Variants in SLC47A1 observed in about 807,000 individuals in gnomAD.
SLC47A1 encodes solute carrier family 47 member 1.
SLC47A1 carries 58 observed loss-of-function variants against 65.8 expected under a neutral mutation model. That is an observed-to-expected ratio of 0.88 (90% CI 0.71 to 1.10). The LOEUF is 1.10. Ranked by LOEUF, SLC47A1 falls within the 50% of genes least tolerant of loss-of-function variation. The probability of loss-of-function intolerance (pLI) is 0.00; values close to 1 mark genes in which losing one functional copy is unlikely to be tolerated. For synonymous variants in SLC47A1, 285 were observed against 295.0 expected, an observed-to-expected ratio of 0.97 and a Z score of 0.35; for missense variants, 706 against 719.2, an observed-to-expected ratio of 0.98 and a Z score of 0.21.
chr17:19,567,554 G>A (rs530565588), intron 14 of SLC47A1, among the ~76,000 whole-genome samples: 49 of 152,192 alleles, frequency 3.2e-4, no homozygotes, highest in Non-Finnish European at 6.5e-4. Context: ...AGCAGGGACC[G>A]CTGAAGAAGC....
intron 10 of SLC47A1, chr17:19,557,609 G>A (rs374272280): frequency 6.0e-5 from 31 of 517,792 alleles, no homozygotes; most frequent in Non-Finnish European, 1.1e-4. Flanking sequence ...TGGCCCATGG[G>A]TGACCCTGGG....
At chr17:19,555,118 G>A (rs986915854) in intron 6 of SLC47A1, 94 bp from the exon 7 acceptor site, 2 of 1,151,302 alleles carry the variant, frequency 1.7e-6, no homozygotes, top group Non-Finnish European at 2.6e-6. Context: ...GATACCCGCT[G>A]AGCAGGCCAG....
At chr17:19,557,782 G>A (rs1156710472) in intron 10 of SLC47A1, 1 of 374,498 alleles carries the variant, frequency 2.7e-6, no homozygotes, top group Non-Finnish European at 5.4e-6. Flanking sequence ...GAAAGCACTG[G>A]AGCTCACGCT....
At chr17:19,540,851 C>CACACACACACACACACAT (rs140775336) in intron 1 of SLC47A1, among the ~76,000 whole-genome samples, 4 of 144,436 alleles carry the variant, frequency 2.8e-5, no homozygotes, top group African/African-American at 1.1e-4. Flanking sequence ...CTACAACAGA[C>CACACACACACACACACAT]ACACACACAC....
At chr17:19,570,081 C>T (rs1330002283) in intron 14 of SLC47A1, among the ~76,000 whole-genome samples, 1 of 152,122 alleles carries the variant, frequency 6.6e-6, no homozygotes, top group Non-Finnish European at 1.5e-5. Flanking sequence ...CACTGCTCTC[C>T]AGCCTGGGCA....
chr17:19,549,752 AGT>A (rs1184693102), intron 5 of SLC47A1, 75 bp downstream of exon 5: 3 of 1,481,564 alleles, frequency 2.0e-6, no homozygotes, highest in African/African-American at 1.4e-5. Flanking sequence ...CTGTGAGCTC[AGT>A]GTATTGGCTC....
chr17:19,573,355 C>G (rs778347581), intron 16 of SLC47A1, among the ~76,000 whole-genome samples: 30 of 152,162 alleles, frequency 2.0e-4, no homozygotes, highest in Non-Finnish European at 3.7e-4. Flanking sequence ...GTAACCCTTG[C>G]TCCTTTATAA....
chr17:19,552,595 C>T (rs563693299), intron 6 of SLC47A1, among the ~76,000 whole-genome samples: 64 of 152,260 alleles, frequency 4.2e-4, no homozygotes, highest in African/African-American at 1.5e-3. Flanking sequence ...CTGCTGAGGA[C>T]AATGAGTGTG....
intron 1 of SLC47A1, 80 bp downstream of exon 1, chr17:19,534,154 G>A: frequency 1.4e-6 from 2 of 1,412,404 alleles, no homozygotes; most frequent in Admixed American, 2.6e-5. Context: ...GGTGACTTTG[G>A]CGGGCTTTGG....
At chr17:19,559,391 G>A (rs901865720) in intron 10 of SLC47A1, among the ~76,000 whole-genome samples, 47 of 152,180 alleles carry the variant, frequency 3.1e-4, no homozygotes, top group African/African-American at 1.1e-3. Context: ...GTGTGGAGGC[G>A]CATGCCTGTG....
chr17:19,577,761 A>G lies in SLC47A1; in HGVS notation c.*208A>G. The G allele has an allele frequency of 7.2e-7, 1 of 1,392,920 alleles. No individual in the cohort carries two copies. The highest frequency in any genetic ancestry group is 1.5e-5 in the South Asian group (1 of 65,252). 86.3% of individuals were successfully genotyped at this position (1,392,920 alleles called of 1,614,324 possible). A position where few individuals can be genotyped will look rare whatever the true frequency, so the allele number is the denominator to read the frequency against. ...TGTGGCCCAAGACACTGTCTGAAAG[A>G]TGACATGAGTAGTAATTCACCACTA... is the stretch of plus-strand genomic sequence containing the variant. On this transcript the variant is annotated 3_prime_UTR_variant, in exon 17 of 17. Transcript: ENST00000270570.
intron 4 of SLC47A1, 82 bp from the exon 5 acceptor site, chr17:19,549,553 A>T: frequency 1.4e-6 from 2 of 1,398,954 alleles, no homozygotes; most frequent in Non-Finnish European, 2.0e-6. Flanking sequence ...AGGCAGTTTT[A>T]GTTATTTTCT....
At chr17:19,567,043 TG>T in intron 13 of SLC47A1, 52 bp from the exon 14 acceptor site, 2 of 1,612,092 alleles carry the variant, frequency 1.2e-6, no homozygotes, top group Non-Finnish European at 1.7e-6. Context: ...GAGATGGGAG[TG>T]TTTCAAGAGC....
chr17:19,560,006 G>T (rs540823749), intron 10 of SLC47A1, 182 bp from the exon 11 acceptor site: 65 of 575,002 alleles, frequency 1.1e-4, no homozygotes, highest in Non-Finnish European at 1.9e-4. Flanking sequence ...CGTAACCTGG[G>T]GCTCAGTTTC....
chr17:19,539,068 A>G (rs1916068799), intron 1 of SLC47A1, among the ~76,000 whole-genome samples: 1 of 152,024 alleles, frequency 6.6e-6, no homozygotes, highest in South Asian at 2.1e-4. Flanking sequence ...GCCACCACGC[A>G]TGCTATTTTT....
At chr17:19,554,970 T>C (rs1916560718) in intron 6 of SLC47A1, among the ~76,000 whole-genome samples, 1 of 152,160 alleles carries the variant, frequency 6.6e-6, no homozygotes, top group Admixed American at 6.6e-5. Flanking sequence ...GCTGAACATA[T>C]CTTGCCTGTG....
chr17:19,549,515 T>G, intron 4 of SLC47A1, 120 bp from the exon 5 acceptor site: 1 of 1,080,402 alleles, frequency 9.3e-7, no homozygotes, highest in Non-Finnish European at 1.4e-6. Context: ...CTTAAGCCCA[T>G]TAATCTGGAA....
At chr17:19,540,543 G>T (rs1347672599) in intron 1 of SLC47A1, among the ~76,000 whole-genome samples, 1 of 152,186 alleles carries the variant, frequency 6.6e-6, no homozygotes. Flanking sequence ...ACATCTGTAA[G>T]GGTGGTGACA....
intron 3 of SLC47A1, 66 bp from the exon 4 acceptor site, chr17:19,547,919 C>T (rs1480921587): frequency 2.0e-6 from 3 of 1,490,794 alleles, no homozygotes; most frequent in Admixed American, 3.9e-5. Context: ...CAATTGAAGG[C>T]TTTTAGGGGA....
Sources: allele counts gnomAD v4.1 joint callset (sites outside exome capture counted in the v4.1 genomes callset), GRCh38; gene constraint gnomAD v4.1.1; transcripts MANE v1.5; gene names NCBI Gene and HGNC (gene_info 2026-07-23, HGNC 2026-07-21).